NEMP2: variants seen among roughly 807,000 people sequenced by gnomAD.
NEMP2 encodes the protein nuclear envelope integral membrane protein 2.
NEMP2 carries 53 observed loss-of-function variants against 54.2 expected under a neutral mutation model. The observed-to-expected ratio is 0.98, with a 90% CI of 0.78 to 1.23. NEMP2 has a LOEUF of 1.23. Among genes scored for constraint, NEMP2 ranks in the 50% most tolerant of loss-of-function variants. NEMP2 has a pLI of 0.00. For missense variants in NEMP2, 455 were observed against 511.3 expected, an observed-to-expected ratio of 0.89 and a Z score of 1.06; for synonymous variants, 197 against 190.3, an observed-to-expected ratio of 1.04 and a Z score of -0.29.
At chr2:190,554,073 C>A in the NEMP2 span, among the ~76,000 whole-genome samples, 1 of 152,308 alleles carries the variant, frequency 6.6e-6, no homozygotes, top group East Asian at 1.9e-4. The surrounding 1 kb of genome is among the most constrained non-coding windows in gnomAD (Gnocchi z 5.7). Context: ...CAGGGGAACT[C>A]CCTCTCCTAG....
chr2:190,447,700 C>T, the NEMP2 span, among the ~76,000 whole-genome samples: 2 of 152,132 alleles, frequency 1.3e-5, no homozygotes, highest in African/African-American at 4.8e-5. The surrounding 1 kb of genome is among the most constrained non-coding windows in gnomAD (Gnocchi z 4.5). Context: ...TCACATTTTA[C>T]CTCCAAAGAC....
the NEMP2 span, among the ~76,000 whole-genome samples, chr2:190,637,288 C>T: frequency 6.6e-5 from 10 of 152,276 alleles, no homozygotes; most frequent in African/African-American, 2.4e-4. This position sits in a 1 kb window ranked among gnomAD's most constrained non-coding sequence, Gnocchi z 4.5. Flanking sequence ...TTCAGAAGCC[C>T]CCTTGTTCCC....
the NEMP2 span, chr2:190,436,192 G>C: frequency 6.2e-7 from 1 of 1,614,174 alleles, no homozygotes; most frequent in South Asian, 1.1e-5. This position sits in a 1 kb window ranked among gnomAD's most constrained non-coding sequence, Gnocchi z 5.3. Flanking sequence ...GGAGGAAATA[G>C]ACTGGATAGA....
intron 1 of NEMP2, chr2:190,534,348 A>C: frequency 8.3e-7 from 1 of 1,200,398 alleles, no homozygotes; most frequent in Non-Finnish European, 1.0e-6. Context: ...AAATTACAAA[A>C]TGTCCAACTG....
chr2:190,526,710 A>T (rs1344310086), intron 1 of NEMP2, among the ~76,000 whole-genome samples: 1 of 152,172 alleles, frequency 6.6e-6, no homozygotes, highest in Non-Finnish European at 1.5e-5. Flanking sequence ...ATACTAGAAA[A>T]AAAGCAAGTT....
the NEMP2 span, among the ~76,000 whole-genome samples, chr2:190,600,667 A>T: frequency 1.3e-5 from 2 of 152,136 alleles, no homozygotes; most frequent in African/African-American, 4.8e-5. This position sits in a 1 kb window ranked among gnomAD's most constrained non-coding sequence, Gnocchi z 4.9. Context: ...TGCACGTGCC[A>T]GCCCCCTTTT....
rs1189911302 is a variant in NEMP2, at chr2:190,528,179, G to C, written c.98-2801C>G. On this transcript the variant is annotated intron_variant, in intron 1 of 8. Coordinates refer to ENST00000409150, the MANE Select transcript of NEMP2 (RefSeq NM_001142645.2). This position sits in a 1 kb window ranked among gnomAD's most constrained non-coding sequence, Gnocchi z 4.3. ...ACTTCTGGCCAAGGGCAGCATAGGG[G>C]GAAGTGCAGTCCCAGGGATATCAAA... Among the ~76,000 whole-genome samples the C allele has an allele frequency of 6.6e-6, 1 of 152,168 alleles. No homozygotes were observed. The highest frequency in any genetic ancestry group is 2.4e-5 in the African/African-American group (1 of 41,424).
intron 1 of NEMP2, among the ~76,000 whole-genome samples, chr2:190,526,023 T>A (rs1690921873): frequency 6.6e-6 from 1 of 152,044 alleles, no homozygotes. Flanking sequence ...CTGAAAATAG[T>A]TCAGTAAAGA....
intron 6 of NEMP2, among the ~76,000 whole-genome samples, chr2:190,516,060 T>G (rs868372886): frequency 2.6e-5 from 4 of 152,300 alleles, no homozygotes; most frequent in Middle Eastern, 3.4e-3. Context: ...AAGAAACATG[T>G]CATAGGGAAA....
At chr2:190,468,453 ATTT>A in the NEMP2 span, among the ~76,000 whole-genome samples, 2 of 140,010 alleles carry the variant, frequency 1.4e-5, no homozygotes, top group African/African-American at 2.6e-5. Flanking sequence ...ATAGGAATGA[ATTT>A]TTTTTTTTTT....
chr2:190,430,817 C>T, the NEMP2 span, among the ~76,000 whole-genome samples: 63 of 145,344 alleles, frequency 4.3e-4, no homozygotes, highest in African/African-American at 1.4e-3. Flanking sequence ...ACCTCCCTCC[C>T]GGACGGGGCG....
the NEMP2 span, chr2:190,477,196 A>G: frequency 1.1e-6 from 1 of 927,028 alleles, no homozygotes; most frequent in Non-Finnish European, 1.3e-6. Flanking sequence ...CTAAAACTTA[A>G]AGTATAATAA....
At chr2:190,596,079 A>T in the NEMP2 span, among the ~76,000 whole-genome samples, 1 of 152,204 alleles carries the variant, frequency 6.6e-6, no homozygotes, top group African/African-American at 2.4e-5. This position sits in a 1 kb window ranked among gnomAD's most constrained non-coding sequence, Gnocchi z 5.1. Flanking sequence ...ATAAAAAAGG[A>T]TGAGTTCATG....
At chr2:190,565,478 G>A in the NEMP2 span, among the ~76,000 whole-genome samples, 1 of 152,216 alleles carries the variant, frequency 6.6e-6, no homozygotes, top group African/African-American at 2.4e-5. Flanking sequence ...TTGAGGTGGA[G>A]TTGAGAGTTC....
chr2:190,509,585 T>C lies in NEMP2; in HGVS notation c.1131-273A>G, dbSNP rs980988913. ...CTGTTTTCTAATTCCTTCTTGTCTC[T>C]ATTTTTTATTAGTTTGAATTTATTA... On this transcript the variant is annotated intron_variant, in intron 8 of 8. Coordinates refer to ENST00000409150, the MANE Select transcript of NEMP2 (RefSeq NM_001142645.2). The surrounding 1 kb of genome is among the most constrained non-coding windows in gnomAD (Gnocchi z 6.1). 2.0e-5 allele frequency among the ~76,000 whole-genome samples: 3 copies of C among 152,244 alleles called. No homozygotes were observed. The highest frequency in any genetic ancestry group is 7.2e-5 in the African/African-American group (3 of 41,462).
At chr2:190,627,574 T>C in the NEMP2 span, among the ~76,000 whole-genome samples, 1 of 149,206 alleles carries the variant, frequency 6.7e-6, no homozygotes, top group Non-Finnish European at 1.5e-5. This position sits in a 1 kb window ranked among gnomAD's most constrained non-coding sequence, Gnocchi z 4.4. Context: ...TCATTGTTTT[T>C]CCTTTAAAAG....
downstream of NEMP2, chr2:190,500,246 A>G (rs769888840): frequency 1.2e-6 from 2 of 1,612,194 alleles, no homozygotes; most frequent in African/African-American, 2.7e-5. The surrounding 1 kb of genome is among the most constrained non-coding windows in gnomAD (Gnocchi z 5.3). Flanking sequence ...CACACCCTGC[A>G]TGGAATCAGG....
At chr2:190,436,621 A>C in the NEMP2 span, 1 of 1,614,100 alleles carries the variant, frequency 6.2e-7, no homozygotes, top group Non-Finnish European at 8.5e-7. This position sits in a 1 kb window ranked among gnomAD's most constrained non-coding sequence, Gnocchi z 5.3. Context: ...AATGCGTGAG[A>C]AAAGAAACCT....
chr2:190,619,437 T>C, the NEMP2 span, among the ~76,000 whole-genome samples: 3 of 151,912 alleles, frequency 2.0e-5, no homozygotes, highest in Non-Finnish European at 4.4e-5. The surrounding 1 kb of genome is among the most constrained non-coding windows in gnomAD (Gnocchi z 5.5). Context: ...GAGTTTGAGG[T>C]TGCAGTGGGT....
Sources: allele counts gnomAD v4.1 joint callset (sites outside exome capture counted in the v4.1 genomes callset), GRCh38; gene constraint gnomAD v4.1.1; non-coding constraint Gnocchi (gnomAD v3.1); transcripts MANE v1.5; gene names NCBI Gene and HGNC (gene_info 2026-07-23, HGNC 2026-07-21).